Variants in GLRB observed in about 807,000 individuals in gnomAD.
GLRB encodes the protein glycine receptor beta.
Under a neutral mutation model 54.2 loss-of-function variants are expected in GLRB, and 33 were observed. The observed-to-expected ratio is 0.61, with a 90% CI of 0.46 to 0.81. The LOEUF (loss-of-function observed/expected upper bound fraction) is 0.81. Ranked by LOEUF, GLRB falls within the 40% of genes least tolerant of loss-of-function variation. The pLI is 0.00. For synonymous variants in GLRB, 209 were observed against 208.2 expected (o/e 1.00, Z -0.03); for missense variants, 572 against 584.6 (o/e 0.98, Z 0.22).
chr4:157,085,153 A>T (rs561059094), intron 2 of GLRB, among the ~76,000 whole-genome samples: 1 of 152,324 alleles, frequency 6.6e-6, no homozygotes, highest in Non-Finnish European at 1.5e-5. Context: ...CCTAGGCATG[A>T]GCTTAAATGG....
intron 2 of GLRB, among the ~76,000 whole-genome samples, chr4:157,082,828 C>T (rs990874854): frequency 1.3e-5 from 2 of 151,958 alleles, no homozygotes; most frequent in African/African-American, 4.8e-5. Context: ...TGAGATAGGT[C>T]TAACACTGTT....
At chr4:157,110,119 G>A (rs368013492) in intron 2 of GLRB, among the ~76,000 whole-genome samples, 3 of 151,976 alleles carry the variant, frequency 2.0e-5, no homozygotes, top group East Asian at 3.9e-4. Flanking sequence ...CTTTAATCAT[G>A]TTTTGGTCTT....
chr4:157,135,440 A>C (rs891977444), intron 4 of GLRB, among the ~76,000 whole-genome samples: 1 of 152,018 alleles, frequency 6.6e-6, no homozygotes, highest in Non-Finnish European at 1.5e-5. Flanking sequence ...GGTGGGAGAT[A>C]ATTGAATCAA....
Position 157,078,112 on chromosome 4 carries a change from G to C in GLRB, c.88G>C (p.Gly30Arg), listed in dbSNP as rs1473190455. 9 of 1,612,270 alleles carry C rather than the reference G, an allele frequency of 5.6e-6. No homozygotes were observed. The highest frequency in any genetic ancestry group is 6.8e-6 in the Non-Finnish European group (8 of 1,178,638). The change falls in exon 2 of 10, where the codon GGG (glycine) becomes CGG (arginine). Residue 30 changes from glycine to arginine, a missense_variant. Physicochemically the swap from Gly to Arg is moderately radical, Grantham distance 125. Transcript: ENST00000264428. Reference sequence around the variant, plus strand: ...TTCTAAGGAAAAGTCTTCAAAGAAAGGGAAGGGGAAAAAGAAGCAGTATCT... The same window carrying C: ...TTCTAAGGAAAAGTCTTCAAAGAAACGGAAGGGGAAAAAGAAGCAGTATCT... ...AYSKEKSSKKGKGKKKQYLCP... is the reference protein window; with the variant it reads ...AYSKEKSSKKRKGKKKQYLCP...
At chr4:157,116,694 A>AT (rs1001145016) in intron 2 of GLRB, among the ~76,000 whole-genome samples, 1 of 151,718 alleles carries the variant, frequency 6.6e-6, no homozygotes, top group Non-Finnish European at 1.5e-5. Flanking sequence ...TTTTAATGTT[A>AT]TTTTAGTATT....
intron 9 of GLRB, among the ~76,000 whole-genome samples, chr4:157,160,141 C>G (rs1175367743): frequency 1.3e-5 from 2 of 152,158 alleles, no homozygotes; most frequent in Non-Finnish European, 1.5e-5. Context: ...ATAGTATTCT[C>G]TGATGGTAGT....
At chr4:157,116,590 C>T (rs1251079524) in intron 2 of GLRB, among the ~76,000 whole-genome samples, 2 of 151,594 alleles carry the variant, frequency 1.3e-5, no homozygotes, top group African/African-American at 4.8e-5. Flanking sequence ...AACATACAGA[C>T]AAGGGAAAAT....
chr4:157,140,387 C>A (rs1317235050), intron 7 of GLRB, among the ~76,000 whole-genome samples: 3 of 151,748 alleles, frequency 2.0e-5, no homozygotes, highest in Non-Finnish European at 4.4e-5. Flanking sequence ...TAAATGTCAC[C>A]AGGCAAATTA....
At chr4:157,158,636 G>T (rs938419173) in intron 9 of GLRB, among the ~76,000 whole-genome samples, 1 of 152,074 alleles carries the variant, frequency 6.6e-6, no homozygotes, top group Admixed American at 6.6e-5. Flanking sequence ...AAGATCAGAT[G>T]GTTGTAGATG....
chr4:157,157,655 A>T (rs1737287476), intron 9 of GLRB, among the ~76,000 whole-genome samples: 1 of 152,140 alleles, frequency 6.6e-6, no homozygotes, highest in Non-Finnish European at 1.5e-5. Context: ...CCGTGTCCCT[A>T]CATAGGACAT....
At chr4:157,137,039 T>C (rs1260640503) in intron 6 of GLRB, among the ~76,000 whole-genome samples, 153 bp downstream of exon 6, 2 of 152,206 alleles carry the variant, frequency 1.3e-5, no homozygotes, top group African/African-American at 2.4e-5. Context: ...TTATAGTTAC[T>C]CTTTTATTAA....
chr4:157,111,942 T>TC (rs1355996233), intron 2 of GLRB, among the ~76,000 whole-genome samples: 1 of 152,026 alleles, frequency 6.6e-6, no homozygotes, highest in Non-Finnish European at 1.5e-5. Context: ...TTCTTTTTTT[T>TC]CCTTGAGTTC....
intron 9 of GLRB, among the ~76,000 whole-genome samples, chr4:157,165,936 A>G (rs576572601): frequency 6.6e-6 from 1 of 152,034 alleles, no homozygotes; most frequent in South Asian, 2.1e-4. Flanking sequence ...AAATATATAC[A>G]AATTATTCCC....
At chr4:157,157,251 G>A (rs1487012442) in intron 9 of GLRB, among the ~76,000 whole-genome samples, 1 of 152,164 alleles carries the variant, frequency 6.6e-6, no homozygotes, top group Non-Finnish European at 1.5e-5. Context: ...ACTATGGCAG[G>A]GATCAGGGCC....
In GLRB at chr4:157,170,892, G is replaced by T. The variant is rs1737898418; in HGVS notation, c.*164G>T. 1.8e-6 allele frequency: 1 copy of T among 565,306 alleles called. No individual in the cohort carries two copies. Among genetic ancestry groups the T allele is most frequent in the Non-Finnish European group, 3.1e-6 (1 of 320,010 alleles). 35.0% of individuals were successfully genotyped at this position (565,306 alleles called of 1,614,324 possible). On this transcript the variant is annotated 3_prime_UTR_variant, in exon 10 of 10. Coordinates refer to ENST00000264428, the MANE Select transcript of GLRB (RefSeq NM_000824.5). ...GCACCTTAATTTTGAATGGCAGCATGATCATGTAATATCTGTGCTCTAATA... is the reference window on the plus strand; with the variant it reads ...GCACCTTAATTTTGAATGGCAGCATTATCATGTAATATCTGTGCTCTAATA...
intron 9 of GLRB, among the ~76,000 whole-genome samples, chr4:157,158,618 G>C (rs148472910): frequency 0.024 from 3,631 of 152,138 alleles, 58 homozygotes; most frequent in African/African-American, 0.046. Flanking sequence ...TTTTTGTCAG[G>C]TTTGTCAAAG....
chr4:157,088,953 A>G (rs539474097), intron 2 of GLRB, among the ~76,000 whole-genome samples: 1 of 152,154 alleles, frequency 6.6e-6, no homozygotes, highest in Non-Finnish European at 1.5e-5. Context: ...ATACTTTTTG[A>G]GCTCTAATTC....
chr4:157,101,047 C>A (rs1469319995), intron 2 of GLRB, among the ~76,000 whole-genome samples: 2 of 152,104 alleles, frequency 1.3e-5, no homozygotes, highest in African/African-American at 4.8e-5. Context: ...TGGCAGTCTT[C>A]AGACTGTGTA....
At position 157,120,625 on chromosome 4, in the gene GLRB, G is replaced by A; in HGVS notation, c.192G>A (p.Leu64=). The change falls in exon 3 of 10, where the codon TTG becomes TTA. Residue 64 remains leucine (L), a synonymous_variant. Transcript: ENST00000264428. ...NSTSNILNRL[L]VSYDPRIRPN... is the part of the protein sequence containing the mutation. Reference sequence around the variant, plus strand: ...CTAGCAATATCTTGAACAGGTTATTGGTCAGTTATGATCCCAGGATAAGAC... The same window carrying A: ...CTAGCAATATCTTGAACAGGTTATTAGTCAGTTATGATCCCAGGATAAGAC... 1 of 1,596,568 alleles carries A rather than the reference G, an allele frequency of 6.3e-7. No homozygotes were observed. The highest frequency in any genetic ancestry group is 8.6e-7 in the Non-Finnish European group (1 of 1,166,614).
Sources: allele counts gnomAD v4.1 joint callset (sites outside exome capture counted in the v4.1 genomes callset), GRCh38; gene constraint gnomAD v4.1.1; transcripts MANE v1.5; gene names NCBI Gene and HGNC (gene_info 2026-07-23, HGNC 2026-07-21).